RFX6: variants seen among roughly 807,000 people sequenced by gnomAD.
RFX6 encodes DNA-binding protein RFX6.
RFX6 carries 50 observed loss-of-function variants against 110.8 expected under a neutral mutation model. The observed-to-expected ratio is 0.45, with a 90% CI of 0.36 to 0.57. The LOEUF is 0.57. RFX6 is among the 20% of genes least tolerant of loss of function. RFX6 has a pLI of 0.00. For synonymous variants in RFX6, 383 were observed against 411.2 expected (o/e 0.93, Z 0.83); for missense variants, 990 against 1,127.0 (o/e 0.88, Z 1.74).
At chr6:116,880,747 C>A in intron 3 of RFX6, 80 bp downstream of exon 3, 2 of 1,468,262 alleles carry the variant, frequency 1.4e-6, no homozygotes, top group Non-Finnish European at 1.9e-6. Flanking sequence ...TTCATCTGTG[C>A]AAGTTCTCTT....
At chr6:116,883,810 A>G (rs1314819238) in intron 4 of RFX6, among the ~76,000 whole-genome samples, 1 of 152,132 alleles carries the variant, frequency 6.6e-6, no homozygotes, top group African/African-American at 2.4e-5. Flanking sequence ...TGCTACTTTC[A>G]TAGCCTGGCC....
chr6:116,924,014 A>G (rs1775657476), intron 14 of RFX6, among the ~76,000 whole-genome samples: 1 of 152,214 alleles, frequency 6.6e-6, no homozygotes, highest in Admixed American at 6.5e-5. Flanking sequence ...AATAAACAAA[A>G]CACATTGTCT....
chr6:116,884,497 A>G (rs1371820805), intron 4 of RFX6, among the ~76,000 whole-genome samples: 2 of 152,180 alleles, frequency 1.3e-5, no homozygotes, highest in Non-Finnish European at 2.9e-5. Flanking sequence ...CTTCTAACCA[A>G]GTCAACTTTA....
intron 7 of RFX6, among the ~76,000 whole-genome samples, chr6:116,913,734 C>T (rs370457570): frequency 4.9e-4 from 74 of 152,150 alleles, no homozygotes; most frequent in African/African-American, 1.7e-3. Context: ...AGTAGAAATA[C>T]TTGTGAAGAT....
intron 14 of RFX6, among the ~76,000 whole-genome samples, chr6:116,924,390 G>C (rs1427432197): frequency 6.6e-6 from 1 of 152,168 alleles, no homozygotes; most frequent in African/African-American, 2.4e-5. Flanking sequence ...ACTTTCATCC[G>C]TATTTTCCTT....
Position 116,895,226 on chromosome 6 carries a change from T to C in RFX6, c.672+19T>C. On this transcript the variant is annotated intron_variant, in intron 6 of 18. Transcript: ENST00000332958. ...GAATGAGGTAAGAATTATTTTCATC[T>C]CTATTTTACATCTGCTATAATATGT... 7.4e-7 allele frequency: 1 copy of C among 1,350,162 alleles called. No individual in the cohort carries two copies. The highest frequency in any genetic ancestry group is 1.1e-6 in the Non-Finnish European group (1 of 941,622). The allele number at this position is 1,350,162 out of a possible 1,614,324, so 83.6% of individuals were successfully genotyped here. A position where few individuals can be genotyped will look rare whatever the true frequency, so the allele number is the denominator to read the frequency against.
In RFX6 at chr6:116,931,710, T is replaced by G; in HGVS notation, c.*204T>G. 4.0e-6 allele frequency: 2 copies of G among 503,672 alleles called. No homozygotes were observed. Among genetic ancestry groups the G allele is most frequent in the Non-Finnish European group, 7.0e-6 (2 of 285,572 alleles). 31.2% of individuals were successfully genotyped at this position (503,672 alleles called of 1,614,324 possible). A position where few individuals can be genotyped will look rare whatever the true frequency, so the allele number is the denominator to read the frequency against. ...TCATGCACACTAAGAGTTTAAAATG[T>G]GAGCTCATTATTAATCATAGTTTCA... On this transcript the variant is annotated 3_prime_UTR_variant, in exon 19 of 19. Transcript: ENST00000332958.
chr6:116,920,866 G>T (rs185734126), intron 12 of RFX6, among the ~76,000 whole-genome samples: 1 of 152,228 alleles, frequency 6.6e-6, no homozygotes, highest in African/African-American at 2.4e-5. Flanking sequence ...ATTGTTTTGA[G>T]TTTTGTAAGT....
At position 116,931,511 on chromosome 6, in the gene RFX6, C is replaced by A; in HGVS notation, c.*5C>A. On this transcript the variant is annotated 3_prime_UTR_variant, in exon 19 of 19. Transcript: ENST00000332958. ...ACAGCAGCTGGAGGCACTTAAACCA[C>A]CAATGTGGGAGGGGGTGCTAAAACT... The A allele has an allele frequency of 2.5e-6, 4 of 1,607,768 alleles. No homozygotes were observed. Among genetic ancestry groups the A allele is most frequent in the Non-Finnish European group, 3.4e-6 (4 of 1,174,792 alleles).
chr6:116,906,743 T>TTG (rs56724266), intron 6 of RFX6, among the ~76,000 whole-genome samples: 5,923 of 150,056 alleles, frequency 0.039, 149 homozygotes, highest in African/African-American at 0.066. Flanking sequence ...CATTTATGAG[T>TTG]TGTGTGTGTG....
chr6:116,881,639 A>T (rs1774591743), intron 3 of RFX6, among the ~76,000 whole-genome samples: 13 of 152,054 alleles, frequency 8.5e-5, no homozygotes, highest in Admixed American at 8.5e-4. Context: ...TTAAATGAGG[A>T]GTTTGGATAA....
Position 116,877,526 on chromosome 6 carries a change from G to C in RFX6, c.223+28G>C, listed in dbSNP as rs1035289916. ...GAGTGCTCTGCCGCATCCGGAGCTG[G>C]GAAGGGGACGGGGACGTATTCTAAG... On this transcript the variant is annotated intron_variant, in intron 1 of 18. Coordinates refer to ENST00000332958, the MANE Select transcript of RFX6 (RefSeq NM_173560.4). 2.0e-6 allele frequency: 3 copies of C among 1,508,948 alleles called. No individual in the cohort carries two copies. The African/African-American group carries it at 4.2e-5, about 21-fold the overall frequency. The allele number at this position is 1,508,948 out of a possible 1,614,324, so 93.5% of individuals were successfully genotyped here. A position where few individuals can be genotyped will look rare whatever the true frequency, so the allele number is the denominator to read the frequency against.
intron 7 of RFX6, among the ~76,000 whole-genome samples, chr6:116,915,641 T>A (rs900173170): frequency 6.6e-6 from 1 of 152,134 alleles, no homozygotes; most frequent in Non-Finnish European, 1.5e-5. Context: ...TCTTTGTTAC[T>A]ACTTTTACTA....
intron 4 of RFX6, among the ~76,000 whole-genome samples, chr6:116,891,115 T>C (rs1024348890): frequency 7.2e-5 from 11 of 152,324 alleles, no homozygotes; most frequent in African/African-American, 2.4e-4. Context: ...CACTTTTCCA[T>C]GACAGCAGGC....
intron 1 of RFX6, 45 bp from the exon 2 acceptor site, chr6:116,877,751 T>C (rs1774494789): frequency 6.2e-7 from 1 of 1,600,752 alleles, no homozygotes. Context: ...ACTTAGTTGA[T>C]TTTATATTCT....
At chr6:116,901,626 C>A (rs752442784) in intron 6 of RFX6, among the ~76,000 whole-genome samples, 1 of 152,136 alleles carries the variant, frequency 6.6e-6, no homozygotes, top group African/African-American at 2.4e-5. Flanking sequence ...TTGAATACCA[C>A]CCCTTGCCAA....
chr6:116,926,631 C>T (rs547400348), intron 16 of RFX6, among the ~76,000 whole-genome samples: 1 of 152,250 alleles, frequency 6.6e-6, no homozygotes, highest in East Asian at 1.9e-4. Flanking sequence ...GAATTGACTG[C>T]TTTGAAGCCA....
At chr6:116,902,393 A>T (rs962590490) in intron 6 of RFX6, among the ~76,000 whole-genome samples, 1 of 152,084 alleles carries the variant, frequency 6.6e-6, no homozygotes, top group Non-Finnish European at 1.5e-5. Flanking sequence ...CAAAAACAAA[A>T]TAAAAAACAG....
intron 7 of RFX6, among the ~76,000 whole-genome samples, chr6:116,912,300 A>G (rs1261077987): frequency 2.0e-5 from 3 of 152,086 alleles, no homozygotes; most frequent in African/African-American, 7.2e-5. Flanking sequence ...ATACTTACGT[A>G]ACAAACATGC....
Sources: gnomAD v4.1 joint callset for allele counts (sites outside exome capture counted in the v4.1 genomes callset) on GRCh38, gnomAD v4.1.1 for gene constraint, MANE v1.5 for transcripts, NCBI Gene and HGNC (gene_info 2026-07-23, HGNC 2026-07-21) for gene names.